Variants in ADARB2 observed in about 807,000 individuals in gnomAD.
ADARB2 encodes the protein inactive double-stranded RNA-specific editase B2.
A neutral mutation model predicts 62.2 loss-of-function variants in ADARB2; 25 were observed. The observed-to-expected ratio is 0.40, with a 90% CI of 0.29 to 0.56. ADARB2 has a LOEUF of 0.56. ADARB2 is among the 20% of genes least tolerant of loss of function. The pLI is 0.43. For missense variants in ADARB2, 1,071 were observed against 1,077.4 expected, an observed-to-expected ratio of 0.99 and a Z score of 0.08; for synonymous variants, 572 against 500.8, an observed-to-expected ratio of 1.14 and a Z score of -1.90.
intron 1 of ADARB2, among the ~76,000 whole-genome samples, chr10:1,609,217 G>C (rs912864427): frequency 6.6e-6 from 1 of 152,168 alleles, no homozygotes; most frequent in Admixed American, 6.5e-5. Flanking sequence ...TGCCTCACAC[G>C]TCCGGGTTTA....
At chr10:1,431,928 C>T (rs1397137330) in intron 1 of ADARB2, among the ~76,000 whole-genome samples, 2 of 152,110 alleles carry the variant, frequency 1.3e-5, no homozygotes, top group Admixed American at 1.3e-4. Flanking sequence ...GTCTTATAAC[C>T]ATTAAGTGAA....
intron 1 of ADARB2, among the ~76,000 whole-genome samples, chr10:1,588,877 C>T (rs556710524): frequency 1.1e-4 from 16 of 152,256 alleles, no homozygotes; most frequent in South Asian, 2.1e-4. Flanking sequence ...GCATGGCCTC[C>T]GATGCTTGGA....
intron 3 of ADARB2, among the ~76,000 whole-genome samples, chr10:1,358,275 G>A (rs1418506551): frequency 6.6e-6 from 1 of 152,216 alleles, no homozygotes; most frequent in Non-Finnish European, 1.5e-5. Context: ...TCTCTGGTGG[G>A]AACAGCTGGG....
intron 3 of ADARB2, among the ~76,000 whole-genome samples, chr10:1,296,309 C>A (rs1171341826): frequency 6.6e-6 from 1 of 152,196 alleles, no homozygotes; most frequent in Non-Finnish European, 1.5e-5. Flanking sequence ...TTAGTGTGTG[C>A]AGACTGTAGA....
intron 1 of ADARB2, among the ~76,000 whole-genome samples, chr10:1,465,436 G>A (rs1233822012): frequency 6.6e-6 from 1 of 152,198 alleles, no homozygotes; most frequent in African/African-American, 2.4e-5. Context: ...AACATCGAAG[G>A]AGTGCTTGCA....
chr10:1,269,030 A>C (rs748431667), intron 4 of ADARB2, among the ~76,000 whole-genome samples: 1 of 152,214 alleles, frequency 6.6e-6, no homozygotes, highest in Non-Finnish European at 1.5e-5. Context: ...TTTCCAGGTC[A>C]TACTGACTTA....
intron 1 of ADARB2, among the ~76,000 whole-genome samples, chr10:1,597,662 T>C (rs976688598): frequency 3.3e-5 from 5 of 152,244 alleles, no homozygotes; most frequent in South Asian, 2.1e-4. Flanking sequence ...AATGCTACTA[T>C]GCTCTTGGTG....
chr10:1,179,813 T>C lies in ADARB2; in HGVS notation c.*3380A>G, dbSNP rs1024822753. 2.0e-5 allele frequency: 3 copies of C among 152,240 alleles called. No homozygotes were observed. The highest frequency in any genetic ancestry group is 4.4e-5 in the Non-Finnish European group (3 of 68,092). 9.4% of individuals were successfully genotyped at this position (152,240 alleles called of 1,614,324 possible). Reference sequence around the variant, plus strand: ...CTTGGCGGTGTCAGGTGGTGGGAAGTGCGAGGAAGCCAGACGGTGATTTCG... The same window carrying C: ...CTTGGCGGTGTCAGGTGGTGGGAAGCGCGAGGAAGCCAGACGGTGATTTCG... On this transcript the variant is annotated 3_prime_UTR_variant, in exon 10 of 10. Transcript: ENST00000381312.
chr10:1,734,751 T>C (rs759781557), intron 1 of ADARB2, among the ~76,000 whole-genome samples: 1 of 152,198 alleles, frequency 6.6e-6, no homozygotes, highest in Non-Finnish European at 1.5e-5. Flanking sequence ...CTTAACAGTC[T>C]CTCATACACA....
intron 3 of ADARB2, among the ~76,000 whole-genome samples, chr10:1,279,008 A>T (rs988200889): frequency 6.6e-6 from 1 of 152,132 alleles, no homozygotes; most frequent in Non-Finnish European, 1.5e-5. Flanking sequence ...TTTCAGAAAA[A>T]AGTTGGTTAT....
chr10:1,387,857 C>T (rs2131864341), intron 1 of ADARB2, among the ~76,000 whole-genome samples: 1 of 152,078 alleles, frequency 6.6e-6, no homozygotes, highest in South Asian at 2.1e-4. Flanking sequence ...AAGATATTAG[C>T]AAATCAAGTT....
At chr10:1,443,427 T>C (rs1490849387) in intron 1 of ADARB2, among the ~76,000 whole-genome samples, 3 of 152,182 alleles carry the variant, frequency 2.0e-5, no homozygotes, top group Non-Finnish European at 4.4e-5. Context: ...TTAAATATTA[T>C]ACAGTTTTTG....
chr10:1,729,463 AC>A (rs1835205546), intron 1 of ADARB2, among the ~76,000 whole-genome samples: 1 of 152,178 alleles, frequency 6.6e-6, no homozygotes. Flanking sequence ...GGATGAGTGA[AC>A]CCAGCCAGAC....
chr10:1,443,609 T>C (rs1359510952), intron 1 of ADARB2, among the ~76,000 whole-genome samples: 1 of 152,146 alleles, frequency 6.6e-6, no homozygotes, highest in Non-Finnish European at 1.5e-5. Context: ...TTTTAATGTT[T>C]TAAGACTATT....
chr10:1,452,659 G>T (rs1429862824), intron 1 of ADARB2, among the ~76,000 whole-genome samples: 1 of 151,236 alleles, frequency 6.6e-6, no homozygotes, highest in African/African-American at 2.4e-5. Context: ...TGGGGGGTTG[G>T]GGGATAGGGG....
At chr10:1,665,383 G>A (rs923355683) in intron 1 of ADARB2, among the ~76,000 whole-genome samples, 3 of 152,204 alleles carry the variant, frequency 2.0e-5, no homozygotes, top group Admixed American at 1.3e-4. Context: ...GACGCACCCC[G>A]ACGTGGGGAA....
intron 1 of ADARB2, among the ~76,000 whole-genome samples, chr10:1,713,758 A>G (rs147224080): frequency 4.8e-4 from 73 of 152,304 alleles, no homozygotes; most frequent in South Asian, 1.5e-3. Context: ...GAACATGGAA[A>G]GATCAAAGTC....
intron 8 of ADARB2, among the ~76,000 whole-genome samples, chr10:1,189,785 T>A (rs942553451): frequency 4.3e-5 from 6 of 137,982 alleles, no homozygotes; most frequent in African/African-American, 1.7e-4. Flanking sequence ...CACGTGGCGC[T>A]ACCTCCTTCC....
At chr10:1,635,558 C>G (rs1414218472) in intron 1 of ADARB2, among the ~76,000 whole-genome samples, 1 of 152,156 alleles carries the variant, frequency 6.6e-6, no homozygotes, top group Non-Finnish European at 1.5e-5. Context: ...AACCTCCCTG[C>G]TTTGTGGGTG....
Sources: allele counts gnomAD v4.1 joint callset (sites outside exome capture counted in the v4.1 genomes callset), GRCh38; gene constraint gnomAD v4.1.1; transcripts MANE v1.5; gene names NCBI Gene and HGNC (gene_info 2026-07-23, HGNC 2026-07-21).